The following DIAPH2 variants were observed in gnomAD, a reference collection of about 807,000 sequenced individuals.
The protein encoded by DIAPH2 is diaphanous related formin 2, also known as protein diaphanous homolog 2.
A neutral mutation model predicts 92.7 loss-of-function variants in DIAPH2; 35 were observed. The observed-to-expected ratio is 0.38, with a 90% CI of 0.29 to 0.50. The LOEUF (loss-of-function observed/expected upper bound fraction) is 0.50, where lower values mean the gene tolerates loss of function less well. Ranked by LOEUF, DIAPH2 falls within the 20% of genes least tolerant of loss-of-function variation. The pLI is 0.94. For synonymous variants in DIAPH2, 301 were observed against 280.4 expected (o/e 1.07, Z -0.73); for missense variants, 701 against 819.5 (o/e 0.86, Z 1.77).
chrX:96,848,616 G>A (rs1014064502), intron 4 of DIAPH2, among the ~76,000 whole-genome samples: 1 of 111,507 alleles, frequency 9.0e-6, no homozygotes, highest in Non-Finnish European at 1.9e-5. Flanking sequence ...TCAAGCAATG[G>A]CACTTTTTTT....
At chrX:96,998,224 T>G (rs2147853561) in intron 17 of DIAPH2, among the ~76,000 whole-genome samples, 1 of 111,225 alleles carries the variant, frequency 9.0e-6, no homozygotes, top group Non-Finnish European at 1.9e-5. Context: ...AATTAATATT[T>G]ACCTTTAACT....
intron 23 of DIAPH2, among the ~76,000 whole-genome samples, chrX:97,331,048 C>T (rs1236749511): frequency 9.0e-6 from 1 of 110,552 alleles, no homozygotes; most frequent in African/African-American, 3.3e-5. Flanking sequence ...TTCCTAAGAT[C>T]ATGTAATTTT....
intron 17 of DIAPH2, among the ~76,000 whole-genome samples, chrX:97,019,022 T>C (rs1429689053): frequency 3.6e-5 from 4 of 111,849 alleles, no homozygotes. Context: ...TCACTGAGCA[T>C]TTAAGGTTGT....
chrX:97,317,890 G>A (rs902139510), intron 23 of DIAPH2, among the ~76,000 whole-genome samples: 9 of 111,344 alleles, frequency 8.1e-5, no homozygotes, highest in African/African-American at 2.9e-4. Context: ...CTGATGTTTT[G>A]ATACATAGCT....
Position 96,854,628 on chromosome X carries a change from T to A in DIAPH2, c.448-26951T>A, listed in dbSNP as rs1162810624. On this transcript the variant is annotated intron_variant, in intron 4 of 26. Coordinates refer to ENST00000324765, the MANE Select transcript of DIAPH2 (RefSeq NM_006729.5). The stretch of plus-strand genomic sequence containing the variant: ...ATATATATATATATATATATATATA[T>A]ATATATATATATATCCATCTGATAG... 5.1e-5 allele frequency among the ~76,000 whole-genome samples: 4 copies of A among 78,986 alleles called. 1 individual carries two copies. In the Admixed American group the frequency reaches 5.7e-4, roughly 11 times the overall value. 68.6% of individuals were successfully genotyped at this position (78,986 alleles called of 115,157 possible).
rs2071601576 is a variant in DIAPH2 at position 97,602,451 on chromosome X, G to A, written c.*3134G>A. On this transcript the variant is annotated 3_prime_UTR_variant, in exon 27 of 27. Transcript: ENST00000324765. ...TAATCTGCTTTCAAATTACAATGGT[G>A]GGAACAGGCATAGGATAACAGTTAC... The A allele has an allele frequency of 8.9e-6, 1 of 112,456 alleles. No individual in the cohort carries two copies. The highest frequency in any genetic ancestry group is 1.9e-5 in the Non-Finnish European group (1 of 53,270). 9.3% of individuals were successfully genotyped at this position (112,456 alleles called of 1,213,427 possible). A position where few individuals can be genotyped will look rare whatever the true frequency, so the allele number is the denominator to read the frequency against.
chrX:97,102,462 G>A (rs190039236), intron 20 of DIAPH2, among the ~76,000 whole-genome samples: 164 of 111,771 alleles, frequency 1.5e-3, no homozygotes, highest in African/African-American at 5.0e-3. Flanking sequence ...TCTCTGTCAA[G>A]CCTCAGAAAA....
intron 25 of DIAPH2, among the ~76,000 whole-genome samples, chrX:97,428,399 C>T (rs933157846): frequency 5.5e-5 from 6 of 109,974 alleles, no homozygotes; most frequent in African/African-American, 2.0e-4. Flanking sequence ...CGTGGTGGCG[C>T]ACGCCTGTAA....
chrX:96,700,248 A>T (rs1569369186), intron 1 of DIAPH2, among the ~76,000 whole-genome samples: 1 of 111,899 alleles, frequency 8.9e-6, no homozygotes. Flanking sequence ...GGTTCAAGCG[A>T]TCCACCCGTC....
At chrX:97,292,060 C>G (rs1360499159) in intron 23 of DIAPH2, among the ~76,000 whole-genome samples, 1 of 91,529 alleles carries the variant, frequency 1.1e-5, no homozygotes, top group Non-Finnish European at 2.1e-5. Context: ...TTATTAGCTA[C>G]TTATAGAAGC....
At chrX:97,142,288 TG>T (rs2067213598) in intron 22 of DIAPH2, among the ~76,000 whole-genome samples, 1 of 111,658 alleles carries the variant, frequency 9.0e-6, no homozygotes, top group East Asian at 2.8e-4. Context: ...AAAGTACTCT[TG>T]AATGGGTGGG....
intron 10 of DIAPH2, among the ~76,000 whole-genome samples, chrX:96,932,185 T>G (rs970824789): frequency 3.6e-5 from 4 of 111,177 alleles, no homozygotes; most frequent in Non-Finnish European, 5.7e-5. Flanking sequence ...GTTCTCTGTT[T>G]ATAGTAGCAT....
At chrX:96,913,202 C>CA (rs899077629) in intron 7 of DIAPH2, among the ~76,000 whole-genome samples, 12 of 110,085 alleles carry the variant, frequency 1.1e-4, no homozygotes, top group East Asian at 5.7e-4. Flanking sequence ...ATGAAACAAA[C>CA]AAAAAAAATG....
In DIAPH2 at chrX:97,300,931, T is replaced by TA. The variant is rs774601881; in HGVS notation, c.2845-47151dup. ...TGGGCCACAGAGCAAGACTCCGTCT[T>TA]AAAAAAAAAAAAAAAAAAAAAAAAA... On this transcript the variant is annotated intron_variant, in intron 23 of 26. Transcript: ENST00000324765. Among the ~76,000 whole-genome samples the TA allele has an allele frequency of 6.2e-3, 67 of 10,787 alleles. 4 individuals are homozygous for TA. Among genetic ancestry groups the TA allele is most frequent in the African/African-American group, 0.016 (53 of 3,355 alleles). The allele number at this position is 10,787 out of a possible 115,157, so 9.4% of individuals were successfully genotyped here.
chrX:97,024,878 C>G lies in DIAPH2; in HGVS notation c.2051-48063C>G, dbSNP rs748587034. Among the ~76,000 whole-genome samples, 4 of 112,083 alleles carry G rather than the reference C, an allele frequency of 3.6e-5. No individual in the cohort carries two copies. In the East Asian group the frequency reaches 1.1e-3, roughly 31 times the overall value. On this transcript the variant is annotated intron_variant, in intron 17 of 26. Transcript: ENST00000324765. ...AAGAAGGCTAATAGGCTTCTGTTGA[C>G]TAGACACCATTCCCTGTTTCATTTT...
intron 24 of DIAPH2, among the ~76,000 whole-genome samples, chrX:97,356,188 T>G (rs916467831): frequency 1.4e-4 from 16 of 111,755 alleles, no homozygotes; most frequent in Admixed American, 3.8e-4. Context: ...CCTTGGAGAC[T>G]AAAAACTGTT....
At chrX:97,498,840 G>T in intron 26 of DIAPH2, among the ~76,000 whole-genome samples, 1 of 111,867 alleles carries the variant, frequency 8.9e-6, no homozygotes, top group Middle Eastern at 4.7e-3. Flanking sequence ...GATGTAATGT[G>T]GTGTCAGTAG....
chrX:96,970,986 T>G (rs1370396632), intron 17 of DIAPH2, among the ~76,000 whole-genome samples: 1 of 112,396 alleles, frequency 8.9e-6, no homozygotes. Flanking sequence ...AGGCATAAAA[T>G]TTCTTTTTCT....
intron 17 of DIAPH2, among the ~76,000 whole-genome samples, chrX:97,019,099 G>A (rs760304378): frequency 1.8e-5 from 2 of 111,832 alleles, no homozygotes; most frequent in African/African-American, 3.2e-5. Flanking sequence ...CCGTGTGGAT[G>A]TACCAGCACC....
Sources: allele counts gnomAD v4.1 joint callset (sites outside exome capture counted in the v4.1 genomes callset), GRCh38; gene constraint gnomAD v4.1.1; transcripts MANE v1.5; gene names NCBI Gene and HGNC (gene_info 2026-07-23, HGNC 2026-07-21).